PRDM16: variants seen among roughly 807,000 people sequenced by gnomAD.
PRDM16 encodes histone-lysine N-methyltransferase PRDM16.
Under a neutral mutation model 110.6 loss-of-function variants are expected in PRDM16, and 23 were observed. The ratio of observed to expected loss-of-function variants is 0.21; its 90% confidence interval spans 0.15 to 0.29. PRDM16 has a LOEUF of 0.29. Ranked by LOEUF, PRDM16 falls within the 10% of genes least tolerant of loss-of-function variation. The probability of loss-of-function intolerance (pLI) is 1.00; values close to 1 mark genes in which losing one functional copy is unlikely to be tolerated. For missense variants in PRDM16, 1,615 were observed against 1,794.3 expected, an observed-to-expected ratio of 0.90 and a Z score of 1.81; for synonymous variants, 799 against 781.8, an observed-to-expected ratio of 1.02 and a Z score of -0.37.
chr1:3,312,942 C>T (rs144637421), intron 3 of PRDM16, among the ~76,000 whole-genome samples: 7 of 152,348 alleles, frequency 4.6e-5, no homozygotes, highest in Admixed American at 6.5e-5. Context: ...CTTGGGCGTG[C>T]GTCTTCCAAA....
rs1641686425 is a variant in PRDM16 at position 3,069,416 on chromosome 1, C to A, written c.37+120C>A. The A allele has an allele frequency of 6.2e-6, 1 of 160,294 alleles. No homozygotes were observed. The highest frequency in any genetic ancestry group is 2.5e-5 in the African/African-American group (1 of 40,378). 9.9% of individuals were successfully genotyped at this position (160,294 alleles called of 1,614,324 possible). A position where few individuals can be genotyped will look rare whatever the true frequency, so the allele number is the denominator to read the frequency against. Reference sequence around the variant, plus strand: ...CGCGCCTGCGGCTCCGGGCCCCCGGCTCGGCCGCGCGGCCCGGGGGGCTGC... The same window carrying A: ...CGCGCCTGCGGCTCCGGGCCCCCGGATCGGCCGCGCGGCCCGGGGGGCTGC... On this transcript the variant is annotated intron_variant, in intron 1 of 16. Coordinates refer to ENST00000270722, the MANE Select transcript of PRDM16 (RefSeq NM_022114.4). This position sits in a 1 kb window ranked among gnomAD's most constrained non-coding sequence, Gnocchi z 6.1.
intron 3 of PRDM16, among the ~76,000 whole-genome samples, chr1:3,384,389 G>A (rs113092878): frequency 0.1 from 15,844 of 152,138 alleles, 944 homozygotes; most frequent in Non-Finnish European, 0.14. Flanking sequence ...GCCTGCAGCC[G>A]CCACCCATGG....
intron 1 of PRDM16, among the ~76,000 whole-genome samples, chr1:3,092,322 CCTGAGGGTAT>C (rs33948447): frequency 0.86 from 131,071 of 151,868 alleles, 56,717 homozygotes; most frequent in East Asian, 0.98. Context: ...ACTGTGTGCT[CCTGAGGGTAT>C]CAGCCCCCAG....
chr1:3,154,250 G>A (rs931932229), intron 1 of PRDM16, among the ~76,000 whole-genome samples: 3 of 151,888 alleles, frequency 2.0e-5, no homozygotes, highest in African/African-American at 7.3e-5. Context: ...GACTGGCGCT[G>A]TCACCACGGG....
intron 1 of PRDM16, among the ~76,000 whole-genome samples, chr1:3,155,623 G>A (rs1278440459): frequency 6.6e-6 from 1 of 152,282 alleles, no homozygotes; most frequent in East Asian, 1.9e-4. Context: ...CAGCACGGCC[G>A]CCGGCCTCGC....
intron 1 of PRDM16, among the ~76,000 whole-genome samples, chr1:3,116,030 C>T (rs1167389019): frequency 6.6e-6 from 1 of 152,154 alleles, no homozygotes; most frequent in South Asian, 2.1e-4. Flanking sequence ...GGGCGGGGCT[C>T]GATGGCAGGT....
intron 3 of PRDM16, among the ~76,000 whole-genome samples, chr1:3,301,505 GTTGTCT>G (rs1394823780): frequency 6.6e-6 from 1 of 152,154 alleles, no homozygotes; most frequent in Non-Finnish European, 1.5e-5. Flanking sequence ...TAAACCCTTG[GTTGTCT>G]TTGTATTTTT....
chr1:3,090,160 C>T (rs1490612042), intron 1 of PRDM16, among the ~76,000 whole-genome samples: 1 of 152,238 alleles, frequency 6.6e-6, no homozygotes, highest in East Asian at 1.9e-4. Context: ...AGAATGCCAG[C>T]AAGCTTCTTG....
rs367748143 is a variant in PRDM16 at position 3,402,814 on chromosome 1, G to A, written c.700G>A (p.Glu234Lys). 3.0e-5 allele frequency: 48 copies of A among 1,612,408 alleles called. No homozygotes were observed. The highest frequency in any genetic ancestry group is 1.6e-4 in the South Asian group (15 of 91,080). The change falls in exon 6 of 17, where the codon GAG becomes AAG. Residue 234 changes from glutamate to lysine, a missense_variant. Physicochemically the swap from Glu to Lys is moderately conservative, Grantham distance 56. Around this residue, in one of 5 missense-constraint regions of PRDM16, gnomAD observed 416 missense variants for 467.1 expected, o/e 0.89. Transcript: ENST00000270722. ...AGAGGAGCCCACGTTCCGCTGTGAC[G>A]AGTGTGACGAACTCTTCCAGTCCAA... Reference protein sequence around the residue: ...LDEEPTFRCDECDELFQSKLD... With the variant: ...LDEEPTFRCDKCDELFQSKLD...
At chr1:3,298,959 G>A (rs1202074354) in intron 3 of PRDM16, among the ~76,000 whole-genome samples, 1 of 152,208 alleles carries the variant, frequency 6.6e-6, no homozygotes, top group Non-Finnish European at 1.5e-5. Context: ...GTCCAGCCAG[G>A]GCTGTCTGGA....
Position 3,180,887 on chromosome 1 carries a change from C to G in PRDM16, c.38-5238C>G, listed in dbSNP as rs1406049025. Among the ~76,000 whole-genome samples, 3 of 151,164 alleles carry G rather than the reference C, an allele frequency of 2.0e-5. No homozygotes were observed. The East Asian group carries it at 5.8e-4, about 29-fold the overall frequency. Reference sequence around the variant, plus strand: ...ACGGCCTTACACACGCAGTCTTACACACGGCCTCACACACGCAGTCTTACA... The same window carrying G: ...ACGGCCTTACACACGCAGTCTTACAGACGGCCTCACACACGCAGTCTTACA... On this transcript the variant is annotated intron_variant, in intron 1 of 16. Transcript: ENST00000270722.
chr1:3,420,471 A>G (rs1254807576), intron 12 of PRDM16, among the ~76,000 whole-genome samples: 1 of 152,234 alleles, frequency 6.6e-6, no homozygotes, highest in Non-Finnish European at 1.5e-5. Flanking sequence ...GGGCTGACGC[A>G]GCCCCGCGCA....
At position 3,223,103 on chromosome 1, in the gene PRDM16, CTTTTTTTTTT is replaced by C. The variant is rs1172383270; in HGVS notation, c.388-20968_388-20959del. 3.9e-3 allele frequency among the ~76,000 whole-genome samples: 289 copies of C among 74,020 alleles called. 3 individuals carry two copies. Among genetic ancestry groups the C allele is most frequent in the African/African-American group, 0.02 (280 of 14,070 alleles). 48.6% of individuals were successfully genotyped at this position (74,020 alleles called of 152,430 possible). A position where few individuals can be genotyped will look rare whatever the true frequency, so the allele number is the denominator to read the frequency against. Reference sequence around the variant, plus strand: ...GCCTCCGCCGTGGCCAAAATCAAGGCTTTTTTTTTTTTTTTTTTTTTTTTTGAGACAGAGT... The same window carrying C: ...GCCTCCGCCGTGGCCAAAATCAAGGCTTTTTTTTTTTTTTTGAGACAGAGT... On this transcript the variant is annotated intron_variant, in intron 2 of 16. Coordinates refer to ENST00000270722, the MANE Select transcript of PRDM16 (RefSeq NM_022114.4).
At chr1:3,335,602 A>AAC (rs3036535) in intron 3 of PRDM16, among the ~76,000 whole-genome samples, 5,907 of 144,354 alleles carry the variant, frequency 0.041, 141 homozygotes, top group Middle Eastern at 0.073. Flanking sequence ...CTGAGGTTAA[A>AAC]ACACACACAC....
intron 1 of PRDM16, among the ~76,000 whole-genome samples, chr1:3,182,657 T>A (rs112506692): frequency 6.6e-6 from 1 of 152,134 alleles, no homozygotes; most frequent in Non-Finnish European, 1.5e-5. Flanking sequence ...CACCGTGGGC[T>A]CCCAGCCAGC....
At chr1:3,380,114 C>T (rs112046481) in intron 3 of PRDM16, among the ~76,000 whole-genome samples, 1 of 150,762 alleles carries the variant, frequency 6.6e-6, no homozygotes, top group Non-Finnish European at 1.5e-5. Flanking sequence ...ATCCCCTCCC[C>T]GTGCACCCTC....
chr1:3,250,754 A>G (rs555798932), intron 3 of PRDM16, among the ~76,000 whole-genome samples: 3 of 152,334 alleles, frequency 2.0e-5, no homozygotes, highest in East Asian at 1.9e-4. Context: ...CCCAAGTCCA[A>G]GAGCACATGG....
chr1:3,158,464 C>A (rs1278328486), intron 1 of PRDM16, among the ~76,000 whole-genome samples: 1 of 151,916 alleles, frequency 6.6e-6, no homozygotes, highest in East Asian at 1.9e-4. Context: ...TTTTTAAAAC[C>A]TATTTTCTCG....
intron 1 of PRDM16, among the ~76,000 whole-genome samples, chr1:3,134,683 C>T (rs756769703): frequency 2.0e-5 from 3 of 152,262 alleles, no homozygotes; most frequent in African/African-American, 4.8e-5. Context: ...AAGTCAACAT[C>T]GGCACCTAGA....
Sources: allele counts gnomAD v4.1 joint callset (sites outside exome capture counted in the v4.1 genomes callset), GRCh38; gene constraint gnomAD v4.1.1; regional missense constraint gnomAD v4.1.1; non-coding constraint Gnocchi (gnomAD v3.1); transcripts MANE v1.5; gene names NCBI Gene and HGNC (gene_info 2026-07-23, HGNC 2026-07-21).